DSCAM: variants seen among roughly 807,000 people sequenced by gnomAD.
DSCAM encodes the protein cell adhesion molecule DSCAM.
DSCAM carries 47 observed loss-of-function variants against 217.7 expected under a neutral mutation model. The observed-to-expected ratio is 0.22, with a 90% CI of 0.17 to 0.28. The LOEUF is 0.28. Ranked by LOEUF, DSCAM falls within the 10% of genes least tolerant of loss-of-function variation. The probability of loss-of-function intolerance (pLI) is 1.00; values close to 1 mark genes in which losing one functional copy is unlikely to be tolerated. For synonymous variants in DSCAM, 1,056 were observed against 1,015.3 expected, an observed-to-expected ratio of 1.04 and a Z score of -0.76; for missense variants, 2,080 against 2,618.3, an observed-to-expected ratio of 0.79 and a Z score of 4.49.
chr21:40,603,372 T>A (rs2056962827), intron 3 of DSCAM, among the ~76,000 whole-genome samples: 2 of 152,198 alleles, frequency 1.3e-5, no homozygotes, highest in Admixed American at 1.3e-4. Context: ...AGGTCAACTA[T>A]AACCTTACTG....
chr21:40,736,214 T>C (rs890664883), intron 1 of DSCAM, among the ~76,000 whole-genome samples: 6 of 152,112 alleles, frequency 3.9e-5, no homozygotes, highest in Admixed American at 2.0e-4. Flanking sequence ...CCTGGACGCA[T>C]CACCCTCTCT....
chr21:40,803,831 A>G (rs2091763389), intron 1 of DSCAM, among the ~76,000 whole-genome samples: 1 of 151,982 alleles, frequency 6.6e-6, no homozygotes, highest in African/African-American at 2.4e-5. Context: ...GTTGGGGAAA[A>G]TCCCACAGCT....
chr21:40,773,160 G>A (rs2091460877), intron 1 of DSCAM, among the ~76,000 whole-genome samples: 1 of 152,132 alleles, frequency 6.6e-6, no homozygotes, highest in African/African-American at 2.4e-5. Context: ...TCAGTCCCTC[G>A]CACGAGAACC....
At chr21:40,184,679 T>C (rs1420723124) in intron 14 of DSCAM, among the ~76,000 whole-genome samples, 1 of 152,220 alleles carries the variant, frequency 6.6e-6, no homozygotes, top group African/African-American at 2.4e-5. Context: ...TAGATTTCAA[T>C]TGCATGTAAA....
intron 2 of DSCAM, among the ~76,000 whole-genome samples, chr21:40,699,512 G>A (rs1241635178): frequency 6.6e-5 from 10 of 152,302 alleles, no homozygotes; most frequent in East Asian, 3.9e-4. Flanking sequence ...GCATTTAGCC[G>A]AGTTGTAAAT....
At chr21:40,048,020 G>A (rs897727308) in intron 30 of DSCAM, among the ~76,000 whole-genome samples, 34 of 152,206 alleles carry the variant, frequency 2.2e-4, no homozygotes, top group African/African-American at 8.2e-4. Context: ...GAATGACTGA[G>A]AGTGAGAGCT....
chr21:40,796,584 T>G (rs561630020), intron 1 of DSCAM, among the ~76,000 whole-genome samples: 148 of 152,300 alleles, frequency 9.7e-4, no homozygotes, highest in African/African-American at 3.4e-3. Context: ...TCTAAATCTA[T>G]GTAGGCAGGT....
chr21:40,754,864 G>A (rs955917972), intron 1 of DSCAM, among the ~76,000 whole-genome samples: 2 of 152,212 alleles, frequency 1.3e-5, no homozygotes, highest in African/African-American at 4.8e-5. Context: ...AAGACTCAGG[G>A]TTTTGCTCTG....
At chr21:40,337,657 T>C (rs1011254635) in intron 8 of DSCAM, among the ~76,000 whole-genome samples, 1 of 152,234 alleles carries the variant, frequency 6.6e-6, no homozygotes, top group Non-Finnish European at 1.5e-5. Context: ...TGTTGTTGCT[T>C]TGACCTGCTC....
chr21:40,524,735 G>A (rs575469417), intron 3 of DSCAM, among the ~76,000 whole-genome samples: 1 of 152,184 alleles, frequency 6.6e-6, no homozygotes, highest in South Asian at 2.1e-4. Flanking sequence ...ACAGGGCCAG[G>A]TGTGGTGGCT....
intron 32 of DSCAM, among the ~76,000 whole-genome samples, chr21:40,026,235 G>T (rs1336328848): frequency 7.1e-6 from 1 of 141,236 alleles, no homozygotes; most frequent in Non-Finnish European, 1.6e-5. Context: ...TGGTCTGAGA[G>T]ACAGTTTGTT....
At chr21:40,295,903 A>G in intron 10 of DSCAM, 152 bp downstream of exon 10, 1 of 924,710 alleles carries the variant, frequency 1.1e-6, no homozygotes, top group Non-Finnish European at 1.5e-6. Context: ...GTGGACAACT[A>G]GGAATGTCTA....
At chr21:40,035,442 A>T (rs2088600805) in intron 32 of DSCAM, among the ~76,000 whole-genome samples, 1 of 126,234 alleles carries the variant, frequency 7.9e-6, no homozygotes, top group South Asian at 3.0e-4. Flanking sequence ...TGGTAAAGGG[A>T]TCAATTCAAC....
chr21:40,845,557 C>CTCTCTCTG (rs2092137784), intron 1 of DSCAM, among the ~76,000 whole-genome samples: 1 of 151,330 alleles, frequency 6.6e-6, no homozygotes, highest in Non-Finnish European at 1.5e-5. Context: ...CTCTCTCTCT[C>CTCTCTCTG]TCTCTCTCTC....
intron 21 of DSCAM, among the ~76,000 whole-genome samples, chr21:40,090,312 C>G (rs1212121698): frequency 6.6e-6 from 1 of 152,160 alleles, no homozygotes; most frequent in Non-Finnish European, 1.5e-5. Context: ...CCTCCCTCCC[C>G]CTCCCAGCTT....
intron 3 of DSCAM, among the ~76,000 whole-genome samples, chr21:40,475,019 T>TCA (rs1172329136): frequency 2.0e-5 from 3 of 151,670 alleles, no homozygotes; most frequent in East Asian, 3.9e-4. Context: ...CCCCAAACAG[T>TCA]CAGTAGGCTT....
chr21:40,708,119 G>A lies in DSCAM; in HGVS notation c.361+335C>T, dbSNP rs1882299643. Among the ~76,000 whole-genome samples the A allele has an allele frequency of 2.1e-5, 3 of 144,134 alleles. No individual in the cohort carries two copies. In the South Asian group the frequency reaches 6.4e-4, roughly 31 times the overall value. The allele number at this position is 144,134 out of a possible 152,430, so 94.6% of individuals were successfully genotyped here. ...CTAGGATGGGGTAGGGGAAGGGCAA[G>A]TGGGAAAAAAGGAGGGGTGGAAGCA... On this transcript the variant is annotated intron_variant, in intron 2 of 32. Coordinates refer to ENST00000400454, the MANE Select transcript of DSCAM (RefSeq NM_001389.5).
chr21:40,081,587 C>T (rs764328882), intron 24 of DSCAM, among the ~76,000 whole-genome samples: 1 of 152,118 alleles, frequency 6.6e-6, no homozygotes, highest in Non-Finnish European at 1.5e-5. Context: ...GCACCTGCTC[C>T]CAGCCACATC....
intron 1 of DSCAM, among the ~76,000 whole-genome samples, chr21:40,807,208 T>C (rs1186516905): frequency 6.6e-6 from 1 of 152,232 alleles, no homozygotes; most frequent in Non-Finnish European, 1.5e-5. Flanking sequence ...GGGTTTATTA[T>C]TATTGAACTC....
Sources: allele counts gnomAD v4.1 joint callset (sites outside exome capture counted in the v4.1 genomes callset), GRCh38; gene constraint gnomAD v4.1.1; transcripts MANE v1.5; gene names NCBI Gene and HGNC (gene_info 2026-07-23, HGNC 2026-07-21).